Variants in PCDHA1 observed in about 807,000 individuals in gnomAD.
PCDHA1 encodes protocadherin alpha-1.
PCDHA1 carries 42 observed loss-of-function variants against 61.3 expected under a neutral mutation model. The ratio of observed to expected loss-of-function variants is 0.69; its 90% CI spans 0.54 to 0.89. The LOEUF (loss-of-function observed/expected upper bound fraction) is 0.89, where lower values mean the gene tolerates loss of function less well. Ranked by LOEUF, PCDHA1 falls within the 40% of genes least tolerant of loss-of-function variation. PCDHA1 has a pLI of 0.00. For missense variants in PCDHA1, 1,256 were observed against 1,235.3 expected, an observed-to-expected ratio of 1.02 and a Z score of -0.25; for synonymous variants, 610 against 553.8, an observed-to-expected ratio of 1.10 and a Z score of -1.43.
Position 140,997,281 on chromosome 5 carries a change from T to C in PCDHA1, c.2543-12346T>C, listed in dbSNP as rs143161972. Reference sequence around the variant, plus strand: ...CTCTTCCAAATATTTCTTGCATCACTTAACAATGGGGATACACTGAGAAAT... The same window carrying C: ...CTCTTCCAAATATTTCTTGCATCACCTAACAATGGGGATACACTGAGAAAT... On this transcript the variant is annotated intron_variant, in intron 3 of 3. Transcript: ENST00000504120. 1.4e-3 allele frequency among the ~76,000 whole-genome samples: 209 copies of C among 152,340 alleles called. 2 individuals carry two copies. Among genetic ancestry groups the C allele is most frequent in the African/African-American group, 4.7e-3 (195 of 41,574 alleles).
chr5:140,900,022 T>C (rs1554188836), intron 1 of PCDHA1, among the ~76,000 whole-genome samples: 1 of 152,044 alleles, frequency 6.6e-6, no homozygotes, highest in African/African-American at 2.4e-5. Flanking sequence ...GTTACCCAGT[T>C]TGGCCTTGAA....
chr5:140,878,257 T>C (rs1266553954), intron 1 of PCDHA1, among the ~76,000 whole-genome samples: 10 of 152,206 alleles, frequency 6.6e-5, no homozygotes, highest in African/African-American at 2.4e-4. Flanking sequence ...CCTCACGTGC[T>C]TAGGCTTTTA....
rs574473083 is a variant in PCDHA1, at chr5:140,908,105, C to T, written c.2395-70844C>T. ...CAGGTGCACTGATTGAAGTTCTGTC[C>T]ACTGGGAAGATTTCCCTTCACTGCT... is the stretch of plus-strand genomic sequence containing the variant. On this transcript the variant is annotated intron_variant, in intron 1 of 3. Coordinates refer to ENST00000504120, the MANE Select transcript of PCDHA1 (RefSeq NM_018900.4). Among the ~76,000 whole-genome samples the T allele has an allele frequency of 5.3e-5, 8 of 152,304 alleles. No individual in the cohort carries two copies. In the East Asian group the frequency reaches 1.4e-3, roughly 26 times the overall value.
rs1554139478 is a variant in PCDHA1 at position 140,842,864 on chromosome 5, G to A, written c.2394+54180G>A. The stretch of plus-strand genomic sequence containing the variant: ...CTACATTTCGGTGCACACGGAGAGC[G>A]GCAAGGTGTACGCGCTGCAGCCGCT... On this transcript the variant is annotated intron_variant, in intron 1 of 3. Transcript: ENST00000504120. 2.5e-6 allele frequency: 4 copies of A among 1,594,034 alleles called. 1 individual carries two copies. Among genetic ancestry groups the A allele is most frequent in the Middle Eastern group, 2.1e-4 (1 of 4,754 alleles).
chr5:140,957,322 A>G (rs1356606026), intron 1 of PCDHA1, among the ~76,000 whole-genome samples: 4 of 152,202 alleles, frequency 2.6e-5, no homozygotes, highest in Admixed American at 2.0e-4. Context: ...AGGTGAGCAC[A>G]GTACAGTAAG....
chr5:141,008,040 T>C (rs1408807855), intron 3 of PCDHA1, among the ~76,000 whole-genome samples: 1 of 152,200 alleles, frequency 6.6e-6, no homozygotes, highest in Admixed American at 6.5e-5. Context: ...ATCTGCCTTT[T>C]GTAACAGGGG....
intron 3 of PCDHA1, among the ~76,000 whole-genome samples, chr5:141,006,790 T>A (rs1318848521): frequency 6.6e-6 from 1 of 152,130 alleles, no homozygotes; most frequent in African/African-American, 2.4e-5. Context: ...AATAATTAGC[T>A]TTGAACTTTC....
intron 1 of PCDHA1, chr5:140,821,732 G>T (rs1554128164): frequency 6.6e-7 from 1 of 1,525,316 alleles, no homozygotes; most frequent in Admixed American, 2.0e-5. Context: ...AAAATACATT[G>T]TGTGGTGATG....
Position 140,796,080 on chromosome 5 carries a change from C to G in PCDHA1, c.2394+7396C>G, listed in dbSNP as rs1554119688. ...CCCTGGGCACTGTCATTGCTCTCAT[C>G]ACGGTGTCGGATCGCGACTCTGGTA... On this transcript the variant is annotated intron_variant, in intron 1 of 3. Coordinates refer to ENST00000504120, the MANE Select transcript of PCDHA1 (RefSeq NM_018900.4). The G allele has an allele frequency of 1.9e-6, 3 of 1,614,222 alleles. No homozygotes were observed. In the East Asian group the frequency reaches 6.7e-5, roughly 36 times the overall value.
chr5:140,851,595 G>A (rs1470017891), intron 1 of PCDHA1: 19 of 919,212 alleles, frequency 2.1e-5, no homozygotes, highest in Non-Finnish European at 2.5e-5. Flanking sequence ...TTGAAATTCA[G>A]TTTACAGAAA....
intron 1 of PCDHA1, among the ~76,000 whole-genome samples, chr5:140,973,273 C>T (rs1180418925): frequency 6.6e-6 from 1 of 152,150 alleles, no homozygotes; most frequent in Non-Finnish European, 1.5e-5. Context: ...ACTTTTATTT[C>T]CCCCAGCACT....
chr5:140,835,540 C>T (rs2150237787), intron 1 of PCDHA1: 1 of 1,613,980 alleles, frequency 6.2e-7, no homozygotes. Context: ...GGACAGGTTA[C>T]CTGCTCCCTG....
chr5:140,802,654 A>G (rs782166217), intron 1 of PCDHA1: 1 of 1,613,634 alleles, frequency 6.2e-7, no homozygotes, highest in South Asian at 1.1e-5. Context: ...GACGCGCAGG[A>G]GAACGCCCTG....
rs1455785562 is a variant in PCDHA1, at chr5:140,815,214, A to C, written c.2394+26530A>C. 4 of 152,044 alleles carry C rather than the reference A, an allele frequency of 2.6e-5. No individual in the cohort carries two copies. In the East Asian group the frequency reaches 7.7e-4, roughly 29 times the overall value. The allele number at this position is 152,044 out of a possible 1,614,324, so 9.4% of individuals were successfully genotyped here. A position where few individuals can be genotyped will look rare whatever the true frequency, so the allele number is the denominator to read the frequency against. On this transcript the variant is annotated intron_variant, in intron 1 of 3. Coordinates refer to ENST00000504120, the MANE Select transcript of PCDHA1 (RefSeq NM_018900.4). ...AGTAATTATTGATAGGGCATAACTT[A>C]CTGTTGCCTCTTTGTTAATTGTTGT...
intron 1 of PCDHA1, chr5:140,884,293 GC>G: frequency 6.2e-7 from 1 of 1,613,666 alleles, no homozygotes; most frequent in Non-Finnish European, 8.5e-7. Flanking sequence ...GCGGCCAAGC[GC>G]CACAGGCTTC....
chr5:140,836,508 A>C, intron 1 of PCDHA1: 1 of 1,613,830 alleles, frequency 6.2e-7, no homozygotes, highest in Non-Finnish European at 8.5e-7. Context: ...CGCGGTGTCC[A>C]GTCTGTTGGT....
chr5:140,787,696 C>T lies in PCDHA1; in HGVS notation c.1406C>T (p.Pro469Leu), dbSNP rs141915652. The change falls in exon 1 of 4, where the codon CCG (proline) becomes CTG (leucine). Residue 469 changes from proline (P) to leucine (L), a missense_variant. Pro to Leu is a moderately conservative substitution (Grantham distance 98, BLOSUM62 -3). Transcript: ENST00000504120. The stretch of plus-strand genomic sequence containing the variant: ...ACAGTATTCGTGAAGGAGAACAACC[C>T]GCCGGGCTGCCACATCTTCACGGTG... ...EYTVFVKENN[P>L]PGCHIFTVSA... is the part of the protein sequence containing the mutation. The T allele has an allele frequency of 1.7e-4, 280 of 1,613,856 alleles. 1 individual carries two copies. The African/African-American group carries it at 3.3e-3, about 19-fold the overall frequency.
intron 1 of PCDHA1, chr5:140,860,473 G>A (rs534132649): frequency 6.6e-6 from 1 of 152,258 alleles, no homozygotes; most frequent in South Asian, 2.1e-4. Flanking sequence ...AGTTGGTGCA[G>A]TAGTACTTTA....
rs2150236253 is a variant in PCDHA1, at chr5:140,835,458, A to G, written c.2394+46774A>G. 2.8e-5 allele frequency: 45 copies of G among 1,613,760 alleles called. No homozygotes were observed. Among genetic ancestry groups the G allele is most frequent in the East Asian group, 4.5e-5 (2 of 44,842 alleles). ...GACTCTCACTTCCCTGTCTCTCCCT[A>G]TTCCAGAGGACGCCCAACCAGGTAC... On this transcript the variant is annotated intron_variant, in intron 1 of 3. Transcript: ENST00000504120.
Sources: gnomAD v4.1 joint callset for allele counts (sites outside exome capture counted in the v4.1 genomes callset) on GRCh38, gnomAD v4.1.1 for gene constraint, MANE v1.5 for transcripts, NCBI Gene and HGNC (gene_info 2026-07-23, HGNC 2026-07-21) for gene names.